SPATA7: variants seen among roughly 807,000 people sequenced by gnomAD.
The protein encoded by SPATA7 is spermatogenesis associated 7.
In SPATA7, 43 loss-of-function variants were observed where a neutral mutation model predicts 51.8. The observed-to-expected ratio is 0.83, with a 90% CI of 0.65 to 1.07. The LOEUF is 1.07. Ranked by LOEUF, SPATA7 falls within the 50% of genes least tolerant of loss-of-function variation. The probability of loss-of-function intolerance (pLI) is 0.00; values close to 1 mark genes in which losing one functional copy is unlikely to be tolerated. For synonymous variants in SPATA7, 230 were observed against 252.8 expected (o/e 0.91, Z 0.86); for missense variants, 683 against 701.3 (o/e 0.97, Z 0.30).
At chr14:88,396,532 T>G (rs546481567) in intron 4 of SPATA7, among the ~76,000 whole-genome samples, 2 of 152,212 alleles carry the variant, frequency 1.3e-5, no homozygotes, top group Non-Finnish European at 2.9e-5. Flanking sequence ...ATATCGTGTT[T>G]GTTCTGTTGT....
intron 4 of SPATA7, among the ~76,000 whole-genome samples, chr14:88,411,235 A>C (rs1278038485): frequency 1.3e-5 from 2 of 152,148 alleles, no homozygotes; most frequent in Non-Finnish European, 2.9e-5. Context: ...CAAGCTCTAG[A>C]GTCCCAGGTC....
chr14:88,450,062 T>C (rs1447197638), intron 3 of SPATA7, among the ~76,000 whole-genome samples: 1 of 152,148 alleles, frequency 6.6e-6, no homozygotes, highest in African/African-American at 2.4e-5. Flanking sequence ...GGGTTGTATA[T>C]TTCCAGGAAT....
At chr14:88,445,052 T>C (rs1331836836) in intron 3 of SPATA7, among the ~76,000 whole-genome samples, 15 of 152,146 alleles carry the variant, frequency 9.9e-5, no homozygotes, top group Middle Eastern at 3.4e-3. Context: ...GGGGATGGCA[T>C]TGAATCTGTA....
intron 5 of SPATA7, among the ~76,000 whole-genome samples, chr14:88,425,478 G>A (rs572549802): frequency 6.6e-6 from 1 of 152,186 alleles, no homozygotes; most frequent in African/African-American, 2.4e-5. Context: ...AGGATATACA[G>A]ATGTGTCCGT....
intron 7 of SPATA7, chr14:88,428,590 C>A (rs1469402612): frequency 6.6e-6 from 1 of 152,098 alleles, no homozygotes; most frequent in Non-Finnish European, 1.5e-5. Context: ...AAGTGCCTAG[C>A]CTGGTAAGGG....
intron 5 of SPATA7, among the ~76,000 whole-genome samples, chr14:88,422,068 T>C (rs2076661675): frequency 6.6e-6 from 1 of 152,086 alleles, no homozygotes; most frequent in African/African-American, 2.4e-5. Context: ...AATAGTAATA[T>C]ATCATTCACA....
At chr14:88,439,565 T>C (rs2077163362), downstream of SPATA7, among the ~76,000 whole-genome samples, 1 of 152,196 alleles carries the variant, frequency 6.6e-6, no homozygotes, top group South Asian at 2.1e-4. Context: ...TTTAAAAAAA[T>C]ACAACCCAGG....
intron 1 of SPATA7, among the ~76,000 whole-genome samples, chr14:88,388,094 C>T (rs57795103): frequency 2.6e-5 from 4 of 151,732 alleles, no homozygotes; most frequent in Admixed American, 6.6e-5. Flanking sequence ...CCCAGCTACT[C>T]GGGAGGCTAA....
At chr14:88,458,369 T>G (rs2077298028), downstream of SPATA7, among the ~76,000 whole-genome samples, 1 of 152,200 alleles carries the variant, frequency 6.6e-6, no homozygotes, top group South Asian at 2.1e-4. Context: ...TTTTTTTGGT[T>G]GGTAGGCTAT....
Position 88,426,486 on chromosome 14 carries a change from T to C in SPATA7, c.627T>C (p.Asn209=), listed in dbSNP as rs1454957707. 7 of 1,614,158 alleles carry C rather than the reference T, an allele frequency of 4.3e-6. No individual in the cohort carries two copies. Among genetic ancestry groups the C allele is most frequent in the Non-Finnish European group, 5.9e-6 (7 of 1,180,018 alleles). ...GAAGGCCCAGAAGCACATTCCCAAA[T>C]TCCCACCGGTTTCAGTTAGTCATTT... ...YGRRPRSTFP[N]SHRFQLVISK... Residue 209 remains asparagine, a synonymous_variant, in exon 6 of 12, where the codon AAT becomes AAC. Transcript: ENST00000393545.
chr14:88,415,494 T>G (rs548544057), intron 4 of SPATA7, among the ~76,000 whole-genome samples: 118 of 148,326 alleles, frequency 8.0e-4, no homozygotes, highest in Non-Finnish European at 1.4e-3. Flanking sequence ...TTGTTTTTTG[T>G]TTTTTTTTAA....
At chr14:88,396,877 T>TTTC (rs1171766103) in intron 4 of SPATA7, among the ~76,000 whole-genome samples, 2 of 148,676 alleles carry the variant, frequency 1.3e-5, no homozygotes, top group Non-Finnish European at 3.0e-5. Flanking sequence ...TCTTTTTTCT[T>TTTC]TTTTTTTTTT....
intron 4 of SPATA7, among the ~76,000 whole-genome samples, chr14:88,462,059 A>C (rs940075038): frequency 6.6e-6 from 1 of 152,160 alleles, no homozygotes; most frequent in African/African-American, 2.4e-5. Flanking sequence ...AACCTTACCA[A>C]AATCCTTTCA....
chr14:88,399,927 G>A (rs184673578), intron 4 of SPATA7, among the ~76,000 whole-genome samples: 7 of 152,162 alleles, frequency 4.6e-5, no homozygotes, highest in Admixed American at 1.3e-4. Context: ...CATATTATAA[G>A]ACCCAGACAG....
chr14:88,451,144 A>G (rs554247305), intron 3 of SPATA7, among the ~76,000 whole-genome samples: 1 of 152,004 alleles, frequency 6.6e-6, no homozygotes, highest in South Asian at 2.1e-4. Context: ...TGTGTTCTTC[A>G]TTTCTAGAAG....
At chr14:88,465,672 T>C (rs1218080307) in intron 4 of SPATA7, 3 of 152,170 alleles carry the variant, frequency 2.0e-5, no homozygotes, top group East Asian at 1.9e-4. Context: ...ACATGAAGCA[T>C]TGTGTAAGTT....
At chr14:88,442,525 T>G (rs1411265868), downstream of SPATA7, among the ~76,000 whole-genome samples, 1 of 152,198 alleles carries the variant, frequency 6.6e-6, no homozygotes. Context: ...GTCAAATGCT[T>G]TATCTGGTCT....
chr14:88,390,773 A>C (rs560963532), intron 1 of SPATA7, among the ~76,000 whole-genome samples: 67 of 152,178 alleles, frequency 4.4e-4, no homozygotes, highest in African/African-American at 1.5e-3. Flanking sequence ...TTTTTCTGAG[A>C]GTTTGTTGGT....
exon 4 of SPATA7, chr14:88,455,085 C>T (rs138132410): frequency 7.9e-4 from 359 of 455,746 alleles, no homozygotes; most frequent in African/African-American, 6.8e-3. Flanking sequence ...ACTACTGGTC[C>T]GAAAACAACC....
Sources: allele counts gnomAD v4.1 joint callset (sites outside exome capture counted in the v4.1 genomes callset), GRCh38; gene constraint gnomAD v4.1.1; transcripts MANE v1.5; gene names NCBI Gene and HGNC (gene_info 2026-07-23, HGNC 2026-07-21).